The following LRP11 variants were observed in gnomAD, a reference collection of about 807,000 sequenced individuals.
LRP11 encodes LDL receptor related protein 11.
Under a neutral mutation model 43.1 loss-of-function variants are expected in LRP11, and 25 were observed. The ratio of observed to expected loss-of-function variants is 0.58; its 90% confidence interval spans 0.42 to 0.81. The LOEUF (loss-of-function observed/expected upper bound fraction) is 0.81, where lower values mean the gene tolerates loss of function less well. LRP11 is among the 30% of genes least tolerant of loss of function. LRP11 has a pLI of 0.00. For synonymous variants in LRP11, 316 were observed against 299.4 expected, an observed-to-expected ratio of 1.06 and a Z score of -0.57; for missense variants, 623 against 665.1, an observed-to-expected ratio of 0.94 and a Z score of 0.70.
intron 1 of LRP11, among the ~76,000 whole-genome samples, chr6:149,860,822 C>T (rs1375865222): frequency 1.3e-5 from 2 of 152,174 alleles, no homozygotes; most frequent in Non-Finnish European, 2.9e-5. Flanking sequence ...CTGGAGAAAG[C>T]ATAGGAGTTC....
At chr6:149,847,371 C>A (rs573691439) in intron 2 of LRP11, among the ~76,000 whole-genome samples, 3 of 152,204 alleles carry the variant, frequency 2.0e-5, no homozygotes, top group Admixed American at 6.5e-5. Context: ...CAGTTTAGAT[C>A]TATCCAGATT....
chr6:149,851,917 C>A (rs1301184672), intron 2 of LRP11, among the ~76,000 whole-genome samples: 3 of 152,140 alleles, frequency 2.0e-5, no homozygotes, highest in African/African-American at 4.8e-5. Flanking sequence ...CCGCAGAAGG[C>A]AAAGGGGAAG....
At chr6:149,835,368 G>C (rs748720261) in intron 5 of LRP11, among the ~76,000 whole-genome samples, 22 of 152,254 alleles carry the variant, frequency 1.4e-4, no homozygotes, top group Non-Finnish European at 2.9e-4. Flanking sequence ...GGCCAGCCGA[G>C]GTGGGCAGAT....
chr6:149,842,606 A>G, intron 3 of LRP11: 3 of 1,547,212 alleles, frequency 1.9e-6, no homozygotes, highest in Non-Finnish European at 2.6e-6. Context: ...CTCTGCTTCC[A>G]CGAGTTCAAC....
intron 6 of LRP11, among the ~76,000 whole-genome samples, chr6:149,824,667 C>A (rs577437580): frequency 6.6e-6 from 1 of 152,010 alleles, no homozygotes; most frequent in Non-Finnish European, 1.5e-5. Flanking sequence ...TGAGACCAGC[C>A]TGGCCAACAT....
chr6:149,835,198 C>T (rs1776455690), intron 5 of LRP11, among the ~76,000 whole-genome samples: 1 of 152,212 alleles, frequency 6.6e-6, no homozygotes, highest in South Asian at 2.1e-4. Flanking sequence ...AGGCTGGTCT[C>T]AAACTCTTGG....
intron 3 of LRP11, among the ~76,000 whole-genome samples, chr6:149,839,348 A>G (rs2115387374): frequency 6.6e-6 from 1 of 152,292 alleles, no homozygotes; most frequent in Middle Eastern, 3.4e-3. Flanking sequence ...AAGAGGAAGC[A>G]AAGAGCCTGC....
At chr6:149,831,379 C>A (rs1583078615) in intron 5 of LRP11, among the ~76,000 whole-genome samples, 1 of 152,334 alleles carries the variant, frequency 6.6e-6, no homozygotes, top group South Asian at 2.1e-4. Flanking sequence ...AACCAGATTT[C>A]TTTCCTCGGG....
intron 2 of LRP11, among the ~76,000 whole-genome samples, chr6:149,848,800 G>A (rs1776678093): frequency 6.6e-6 from 1 of 151,724 alleles, no homozygotes; most frequent in Non-Finnish European, 1.5e-5. Context: ...TAATACCCAG[G>A]TGAGGATATA....
chr6:149,835,777 T>C (rs758984600), intron 5 of LRP11, among the ~76,000 whole-genome samples: 6 of 152,222 alleles, frequency 3.9e-5, no homozygotes, highest in Admixed American at 6.5e-5. Context: ...ATGGTTATGC[T>C]GTTTCATCTC....
Position 149,859,729 on chromosome 6 carries a change from T to C in LRP11, c.613+3679A>G, listed in dbSNP as rs940715134. ...CTACGAATAAATAATGTCACATTTT[T>C]CCCAGACTCTTGTTTGCAATTCCTT... On this transcript the variant is annotated intron_variant, in intron 1 of 6. Coordinates refer to ENST00000239367, the MANE Select transcript of LRP11 (RefSeq NM_032832.6). Among the ~76,000 whole-genome samples the C allele has an allele frequency of 5.9e-5, 9 of 152,090 alleles. No homozygotes were observed. The South Asian group carries it at 1.0e-3, about 18-fold the overall frequency.
At position 149,863,642 on chromosome 6, in the gene LRP11, A is replaced by G; in HGVS notation, c.379T>C (p.Trp127Arg). Residue 127 changes from tryptophan to arginine, a missense_variant, in exon 1 of 7, where the codon TGG becomes CGG. By Grantham distance (101) the Trp-to-Arg change is moderately radical. Transcript: ENST00000239367. ...FLRAPAAVRG[W>R]RQCVAACCSE... Reference sequence around the variant, plus strand: ...CAGCAGGCCGCCACGCATTGCCGCCAGCCCCGCACGGCCGCCGGCGCCCGC... The same window carrying G: ...CAGCAGGCCGCCACGCATTGCCGCCGGCCCCGCACGGCCGCCGGCGCCCGC... 6.8e-7 allele frequency: 1 copy of G among 1,471,362 alleles called. No individual in the cohort carries two copies. The highest frequency in any genetic ancestry group is 8.9e-7 in the Non-Finnish European group (1 of 1,118,172). The allele number at this position is 1,471,362 out of a possible 1,614,324, so 91.1% of individuals were successfully genotyped here. A position where few individuals can be genotyped will look rare whatever the true frequency, so the allele number is the denominator to read the frequency against.
rs1476652965 is a variant in LRP11, at chr6:149,852,941, A to ACATT, written c.771+58_771+61dup. 2.7e-5 allele frequency: 38 copies of ACATT among 1,413,296 alleles called. No homozygotes were observed. In the Admixed American group the frequency reaches 8.1e-4, roughly 30 times the overall value. 87.5% of individuals were successfully genotyped at this position (1,413,296 alleles called of 1,614,324 possible). On this transcript the variant is annotated intron_variant, in intron 2 of 6. Transcript: ENST00000239367. ...CATTTAGGGAGCATGAAGTGGCAGG[A>ACATT]CATTACAAAAGACCACTTCACTGAA...
At chr6:149,822,670 G>A (rs573861491) in intron 6 of LRP11, among the ~76,000 whole-genome samples, 93 of 152,218 alleles carry the variant, frequency 6.1e-4, no homozygotes, top group African/African-American at 2.1e-3. Flanking sequence ...AGTCTGGGTA[G>A]ACAGACATTT....
Position 149,836,686 on chromosome 6 carries a change from T to C in LRP11, c.1040-389A>G, listed in dbSNP as rs1346352894. Among the ~76,000 whole-genome samples, 8 of 152,048 alleles carry C rather than the reference T, an allele frequency of 5.3e-5. No individual in the cohort carries two copies. In the East Asian group the frequency reaches 1.3e-3, roughly 26 times the overall value. On this transcript the variant is annotated intron_variant, in intron 4 of 6. Coordinates refer to ENST00000239367, the MANE Select transcript of LRP11 (RefSeq NM_032832.6). ...AAAATTAGCTGGGCATGGTGGTACA[T>C]GCCTGCAGTCCCAGCTACTGGGGAG...
rs1156550561 is a variant in LRP11, at chr6:149,864,272, CCCTGCGCCTCTCCGCCCCGG to C, written c.-272_-253del. 3 of 1,064,948 alleles carry C rather than the reference CCCTGCGCCTCTCCGCCCCGG, an allele frequency of 2.8e-6. No homozygotes were observed. Among genetic ancestry groups the C allele is most frequent in the Non-Finnish European group, 3.4e-6 (3 of 883,026 alleles). The allele number at this position is 1,064,948 out of a possible 1,614,324, so 66.0% of individuals were successfully genotyped here. A position where few individuals can be genotyped will look rare whatever the true frequency, so the allele number is the denominator to read the frequency against. On this transcript the variant is annotated 5_prime_UTR_variant, in exon 1 of 7. Transcript: ENST00000239367. ...TGCCCTCGCCGGAGACTGCCCAGCG[CCCTGCGCCTCTCCGCCCCGG>C]CCTGCGGCGCGCTGGGTGGCGACGA... is the stretch of plus-strand genomic sequence containing the variant.
chr6:149,857,695 C>G (rs539557604), intron 1 of LRP11, among the ~76,000 whole-genome samples: 1 of 152,262 alleles, frequency 6.6e-6, no homozygotes, highest in South Asian at 2.1e-4. Context: ...AGACCCTGTC[C>G]TCGATGGTTG....
chr6:149,843,736 A>G (rs1583086877), intron 2 of LRP11, among the ~76,000 whole-genome samples: 1 of 152,158 alleles, frequency 6.6e-6, no homozygotes, highest in Non-Finnish European at 1.5e-5. Flanking sequence ...CTGAGCTCTA[A>G]GGGCTCACCA....
chr6:149,821,605 TA>T (rs1241192972), intron 6 of LRP11, among the ~76,000 whole-genome samples: 1 of 152,258 alleles, frequency 6.6e-6, no homozygotes, highest in Non-Finnish European at 1.5e-5. Context: ...GACACCAGAG[TA>T]GAAGTAGCGA....
Sources: gnomAD v4.1 joint callset for allele counts (sites outside exome capture counted in the v4.1 genomes callset) on GRCh38, gnomAD v4.1.1 for gene constraint, MANE v1.5 for transcripts, NCBI Gene and HGNC (gene_info 2026-07-23, HGNC 2026-07-21) for gene names.